Variants in GP6 observed in about 807,000 individuals in gnomAD.
GP6 encodes the protein platelet glycoprotein VI.
Under a neutral mutation model 37.3 loss-of-function variants are expected in GP6, and 45 were observed. That is an observed-to-expected ratio of 1.21 (90% CI 0.95 to 1.55). GP6 has a LOEUF of 1.55. Among genes scored for constraint, GP6 ranks in the 40% most tolerant of loss-of-function variants. The pLI is 0.00. For missense variants in GP6, 813 were observed against 760.2 expected (o/e 1.07, Z -0.82); for synonymous variants, 340 against 316.4 (o/e 1.07, Z -0.79).
At chr19:55,023,671 C>T (rs1015601041) in intron 5 of GP6, among the ~76,000 whole-genome samples, 1 of 152,178 alleles carries the variant, frequency 6.6e-6, no homozygotes, top group Admixed American at 6.6e-5. Context: ...ACCAATTAAA[C>T]CTCTTTTCTT....
At chr19:55,037,176 A>C (rs1198143404) in intron 1 of GP6, among the ~76,000 whole-genome samples, 1 of 152,114 alleles carries the variant, frequency 6.6e-6, no homozygotes, top group Non-Finnish European at 1.5e-5. Context: ...ATTCTGAAGA[A>C]ATCAGGAAAT....
At chr19:55,037,296 CAAATT>C (rs937869370) in intron 1 of GP6, among the ~76,000 whole-genome samples, 3 of 151,858 alleles carry the variant, frequency 2.0e-5, no homozygotes, top group African/African-American at 4.8e-5. Flanking sequence ...GGGATACTGA[CAAATT>C]AAATCCATAC....
intron 7 of GP6, 132 bp from the exon 8 acceptor site, chr19:55,015,297 G>T: frequency 7.0e-7 from 1 of 1,430,396 alleles, no homozygotes; most frequent in Non-Finnish European, 9.6e-7. Context: ...TTCCTGGAGG[G>T]TCCCTCCCTT....
chr19:55,021,671 C>A (rs1335385764), intron 5 of GP6, among the ~76,000 whole-genome samples: 1 of 151,994 alleles, frequency 6.6e-6, no homozygotes, highest in African/African-American at 2.4e-5. Flanking sequence ...CAGGCGCCCG[C>A]CACCACGCCC....
chr19:55,032,439 G>C, intron 2 of GP6, 43 bp from the exon 3 acceptor site: 4 of 1,611,934 alleles, frequency 2.5e-6, no homozygotes, highest in Non-Finnish European at 3.4e-6. Flanking sequence ...CGCAGACCCC[G>C]CCTGGACCCC....
chr19:55,024,306 A>ACACACACACGCACACG, intron 5 of GP6, among the ~76,000 whole-genome samples: 1 of 142,046 alleles, frequency 7.0e-6, no homozygotes, highest in East Asian at 2.1e-4. Context: ...GCATGCACAC[A>ACACACACACGCACACG]CATATGCACG....
At chr19:55,026,884 A>C (rs76489372) in intron 4 of GP6, among the ~76,000 whole-genome samples, 2 of 121,892 alleles carry the variant, frequency 1.6e-5, no homozygotes, top group African/African-American at 6.2e-5. Context: ...AGACTTCGTC[A>C]AAAAAAAAAA....
intron 5 of GP6, among the ~76,000 whole-genome samples, chr19:55,019,827 G>A (rs1052147701): frequency 1.3e-5 from 2 of 151,704 alleles, no homozygotes; most frequent in Non-Finnish European, 2.9e-5. Flanking sequence ...ACAGGCACCC[G>A]CCACCACGCC....
chr19:55,038,093 G>T (rs1419982960), intron 1 of GP6, 110 bp downstream of exon 1: 11 of 885,878 alleles, frequency 1.2e-5, no homozygotes, highest in Admixed American at 2.0e-5. Flanking sequence ...GCTCTTACAG[G>T]TTCCTTTTTG....
chr19:55,018,618 C>T (rs1193660364), intron 6 of GP6, 34 bp downstream of exon 6: 6 of 1,256,312 alleles, frequency 4.8e-6, no homozygotes, highest in Non-Finnish European at 7.0e-6. Flanking sequence ...CCTCACACTC[C>T]TTTCTGCTGA....
In GP6 at chr19:55,014,196, C is replaced by T. The variant is rs1282801239; in HGVS notation, c.1749G>A (p.Leu583=). The T allele has an allele frequency of 1.4e-6, 1 of 730,694 alleles. No individual in the cohort carries two copies. The highest frequency in any genetic ancestry group is 1.7e-5 in the African/African-American group (1 of 58,294). The allele number at this position is 730,694 out of a possible 1,614,324, so 45.3% of individuals were successfully genotyped here. Residue 583 remains leucine, a synonymous_variant, in exon 8 of 8, where the codon CTG becomes CTA. Coordinates refer to ENST00000310373, the MANE Select transcript of GP6 (RefSeq NM_001083899.2). ...TCAGCTCACTGCAACCTCTGCCTCC[C>T]AGGCTCAAGCCATTCTCCCACCTCA... is the stretch of plus-strand genomic sequence containing the variant.
chr19:55,037,012 C>G (rs1459473699), intron 1 of GP6, among the ~76,000 whole-genome samples: 1 of 152,084 alleles, frequency 6.6e-6, no homozygotes, highest in South Asian at 2.1e-4. Flanking sequence ...GAGACTCCAT[C>G]TCAAAAAACA....
Position 55,031,745 on chromosome 19 carries a change from CCTAT to C in GP6, c.325+390_325+393del, listed in dbSNP as rs892004117. On this transcript the variant is annotated intron_variant, in intron 3 of 7. Transcript: ENST00000310373. ...ACCAGCCTGAGCAACATAGCGAGAC[CCTAT>C]CTCTCTCTCTTTTGTATTTTAATGC... 1.1e-3 allele frequency among the ~76,000 whole-genome samples: 160 copies of C among 152,098 alleles called. 1 individual carries two copies. Among genetic ancestry groups the C allele is most frequent in the African/African-American group, 3.8e-3 (157 of 41,464 alleles).
chr19:55,022,199 C>T (rs149137420), intron 5 of GP6, among the ~76,000 whole-genome samples: 5 of 152,220 alleles, frequency 3.3e-5, no homozygotes, highest in African/African-American at 1.2e-4. Context: ...TTGCTTTTGA[C>T]GTTTTTGTCA....
At position 55,015,751 on chromosome 19, in the gene GP6, G is replaced by T. The variant is rs371558788; in HGVS notation, c.725-18C>A. On this transcript the variant is annotated intron_variant, in intron 6 of 7. Coordinates refer to ENST00000310373, the MANE Select transcript of GP6 (RefSeq NM_001083899.2). The stretch of plus-strand genomic sequence containing the variant: ...AGAAGTCTCTGGGAACCAAACAAAG[G>T]CTAAGTGTGAAATGAAACCATATTC... 1 of 1,436,412 alleles carries T rather than the reference G, an allele frequency of 7.0e-7. No individual in the cohort carries two copies. The highest frequency in any genetic ancestry group is 9.8e-7 in the Non-Finnish European group (1 of 1,016,648). 89.0% of individuals were successfully genotyped at this position (1,436,412 alleles called of 1,614,324 possible).
intron 3 of GP6, among the ~76,000 whole-genome samples, chr19:55,028,118 C>T (rs1168314712): frequency 6.6e-6 from 1 of 152,216 alleles, no homozygotes; most frequent in Non-Finnish European, 1.5e-5. Context: ...GACAAATCTC[C>T]CTCTGTATCT....
chr19:55,024,296 G>GCACACACA (rs1171649622), intron 5 of GP6, among the ~76,000 whole-genome samples: 1 of 56,296 alleles, frequency 1.8e-5, no homozygotes, highest in African/African-American at 6.5e-5. Context: ...ACATATGCAC[G>GCACACACA]CATGCACACA....
Position 55,015,039 on chromosome 19 carries a change from C to T in GP6, c.906G>A (p.Gln302=). The T allele has an allele frequency of 1.9e-6, 3 of 1,610,416 alleles. No individual in the cohort carries two copies. Among genetic ancestry groups the T allele is most frequent in the Non-Finnish European group, 2.5e-6 (3 of 1,178,676 alleles). Residue 302 remains glutamine (Q), a synonymous_variant, in exon 8 of 8, where the codon CAG becomes CAA. Transcript: ENST00000310373. ...AAGCGGCCTCTGCACAGCCCTGCCC[C>T]TGTGCCGCAGGCGCTTCCTCCGGCT...
In GP6 at chr19:55,032,523, C is replaced by T. The variant is rs773349443; in HGVS notation, c.50G>A (p.Arg17His). 7.1e-5 allele frequency: 115 copies of T among 1,613,718 alleles called. No homozygotes were observed. Among genetic ancestry groups the T allele is most frequent in the Middle Eastern group, 3.3e-4 (2 of 6,072 alleles). ...GGACTCACCACTCTGCGCTGGCACA[C>T]GCCCCAGACACAGCCCTGAGGAAAG... Residue 17 changes from arginine (R) to histidine (H), a missense_variant, in exon 2 of 8, where the codon CGT becomes CAT. Physicochemically the swap from Arg to His is conservative, Grantham distance 29. Coordinates refer to ENST00000310373, the MANE Select transcript of GP6 (RefSeq NM_001083899.2).
Sources: gnomAD v4.1 joint callset for allele counts (sites outside exome capture counted in the v4.1 genomes callset) on GRCh38, gnomAD v4.1.1 for gene constraint, MANE v1.5 for transcripts, NCBI Gene and HGNC (gene_info 2026-07-23, HGNC 2026-07-21) for gene names.